Variants in SLC22A15 observed in about 807,000 individuals in gnomAD.
SLC22A15 encodes solute carrier family 22 member 15, also known as flipt 1.
Under a neutral mutation model 62.7 loss-of-function variants are expected in SLC22A15, and 45 were observed. That is an observed-to-expected ratio of 0.72 (90% CI 0.56 to 0.92). The LOEUF is 0.92. Ranked by LOEUF, SLC22A15 falls within the 40% of genes least tolerant of loss-of-function variation. The pLI, the probability that SLC22A15 is intolerant of heterozygous loss-of-function variation, is 0.00. For missense variants in SLC22A15, 622 were observed against 665.6 expected (o/e 0.93, Z 0.72); for synonymous variants, 264 against 267.0 (o/e 0.99, Z 0.11).
At chr1:116,007,554 G>T (rs1335770866) in intron 2 of SLC22A15, among the ~76,000 whole-genome samples, 1 of 152,150 alleles carries the variant, frequency 6.6e-6, no homozygotes, top group African/African-American at 2.4e-5. Context: ...TGAGTTTGTG[G>T]GTAAGAAGAT....
At chr1:115,990,085 G>A (rs796780992) in intron 1 of SLC22A15, among the ~76,000 whole-genome samples, 1 of 152,226 alleles carries the variant, frequency 6.6e-6, no homozygotes, top group African/African-American at 2.4e-5. Flanking sequence ...AGCTTTAGGA[G>A]TGAGCAGCAA....
At chr1:115,980,619 A>G (rs750801900) in intron 1 of SLC22A15, among the ~76,000 whole-genome samples, 3 of 152,210 alleles carry the variant, frequency 2.0e-5, no homozygotes, top group Non-Finnish European at 2.9e-5. Context: ...AAAACACACA[A>G]ACCAATGCTA....
intron 4 of SLC22A15, among the ~76,000 whole-genome samples, chr1:116,024,214 T>C (rs1007178721): frequency 2.6e-5 from 4 of 152,144 alleles, no homozygotes; most frequent in African/African-American, 4.8e-5. Flanking sequence ...AGAGGATGTG[T>C]CTGAGCTGGA....
At chr1:116,013,858 G>T (rs565538417) in intron 2 of SLC22A15, 1 of 152,268 alleles carries the variant, frequency 6.6e-6, no homozygotes, top group South Asian at 2.1e-4. Flanking sequence ...TGGATGACTC[G>T]CCCCAGATCT....
rs144662629 is a variant in SLC22A15 at position 116,037,322 on chromosome 1, T to G, written c.1105T>G (p.Leu369Val). ...NQKWFGRKRT[L>V]SAFLCLGGLA... ...GTTTAGGTTTGGTCGGAAGCGAACATTATCAGCATTTCTGTGCCTAGGAGG... is the reference window on the plus strand; with the variant it reads ...GTTTAGGTTTGGTCGGAAGCGAACAGTATCAGCATTTCTGTGCCTAGGAGG... The change falls in exon 8 of 12, where the codon TTA becomes GTA. Residue 369 changes from leucine to valine, a missense_variant. Transcript: ENST00000369503. 1.9e-5 allele frequency: 31 copies of G among 1,613,382 alleles called. No homozygotes were observed. The highest frequency in any genetic ancestry group is 2.5e-5 in the Non-Finnish European group (30 of 1,179,432).
At chr1:116,053,264 C>T (rs1277337898) in intron 8 of SLC22A15, among the ~76,000 whole-genome samples, 1 of 152,076 alleles carries the variant, frequency 6.6e-6, no homozygotes, top group Non-Finnish European at 1.5e-5. Context: ...AATGCAGAAG[C>T]CTCAGGAGCT....
At chr1:116,006,597 T>A (rs536224444) in intron 2 of SLC22A15, among the ~76,000 whole-genome samples, 1 of 152,194 alleles carries the variant, frequency 6.6e-6, no homozygotes, top group Admixed American at 6.5e-5. Flanking sequence ...CTGGGGTGCA[T>A]CTAAGAATCG....
chr1:116,058,682 C>A (rs1658294682), intron 8 of SLC22A15, among the ~76,000 whole-genome samples: 1 of 152,200 alleles, frequency 6.6e-6, no homozygotes, highest in African/African-American at 2.4e-5. Flanking sequence ...TTTATAGCAG[C>A]ACAAATCCCA....
At chr1:116,015,220 C>A (rs1656464744) in intron 2 of SLC22A15, 1 of 152,180 alleles carries the variant, frequency 6.6e-6, no homozygotes, top group African/African-American at 2.4e-5. Flanking sequence ...TCACTAGGAT[C>A]TGTCAGGGAG....
intron 4 of SLC22A15, among the ~76,000 whole-genome samples, chr1:116,021,362 G>A (rs577242619): frequency 6.6e-6 from 1 of 152,120 alleles, no homozygotes; most frequent in South Asian, 2.1e-4. Flanking sequence ...CCAAAATTGA[G>A]ACTGTATTCT....
intron 5 of SLC22A15, among the ~76,000 whole-genome samples, chr1:116,030,952 A>G (rs1016295164): frequency 3.3e-5 from 5 of 152,070 alleles, no homozygotes; most frequent in Non-Finnish European, 7.4e-5. Flanking sequence ...AAAAAAACCC[A>G]TTGTCTCTAC....
At chr1:116,022,937 T>G (rs1656913304) in intron 4 of SLC22A15, among the ~76,000 whole-genome samples, 1 of 152,216 alleles carries the variant, frequency 6.6e-6, no homozygotes, top group Non-Finnish European at 1.5e-5. Flanking sequence ...CCCTCTCTCA[T>G]GAACCGAGGT....
intron 4 of SLC22A15, among the ~76,000 whole-genome samples, chr1:116,023,766 T>C (rs1049045382): frequency 4.6e-5 from 7 of 152,176 alleles, no homozygotes; most frequent in Non-Finnish European, 8.8e-5. Flanking sequence ...TTAAATAGGA[T>C]AGTTAGAGAA....
intron 8 of SLC22A15, among the ~76,000 whole-genome samples, chr1:116,043,351 G>A (rs531815415): frequency 7.2e-5 from 11 of 152,092 alleles, no homozygotes; most frequent in African/African-American, 1.9e-4. Flanking sequence ...CCTTGAACCC[G>A]GGAGGTGGAG....
At chr1:116,018,858 T>C (rs1324959731) in intron 2 of SLC22A15, among the ~76,000 whole-genome samples, 2 of 152,238 alleles carry the variant, frequency 1.3e-5, no homozygotes, top group Non-Finnish European at 2.9e-5. Context: ...TTATTCTTCC[T>C]ATCTAGCTGT....
At chr1:116,042,751 A>G (rs1046529343) in intron 8 of SLC22A15, among the ~76,000 whole-genome samples, 1 of 152,220 alleles carries the variant, frequency 6.6e-6, no homozygotes, top group Non-Finnish European at 1.5e-5. Context: ...AAGAAACACA[A>G]TACTTCACTA....
chr1:116,039,854 T>TA (rs1557901862), intron 8 of SLC22A15, among the ~76,000 whole-genome samples: 2 of 152,158 alleles, frequency 1.3e-5, no homozygotes, highest in African/African-American at 4.8e-5. Context: ...GACTTTTTTT[T>TA]ATCTCAAGTT....
Position 115,992,233 on chromosome 1 carries a change from T to A in SLC22A15, c.290T>A (p.Ile97Asn), listed in dbSNP as rs1655178877. The change falls in exon 2 of 12, where the codon ATC becomes AAC. Residue 97 changes from isoleucine to asparagine, a missense_variant. Ile to Asn is a moderately radical substitution (Grantham distance 149). Coordinates refer to ENST00000369503, the MANE Select transcript of SLC22A15 (RefSeq NM_018420.3). ...HVHFSSSFTS[I>N]ASEWFLIANR... ...CATTTCAGCAGCAGCTTCACCTCCA[T>A]CGCCTCGGAGGTAACAACAGGCTGT... 1 of 1,580,490 alleles carries A rather than the reference T, an allele frequency of 6.3e-7. No individual in the cohort carries two copies. The highest frequency in any genetic ancestry group is 8.6e-7 in the Non-Finnish European group (1 of 1,162,706).
chr1:116,064,547 C>G, intron 10 of SLC22A15, 39 bp downstream of exon 10: 1 of 1,376,032 alleles, frequency 7.3e-7, no homozygotes, highest in Non-Finnish European at 1.0e-6. Flanking sequence ...TCTTGATTCT[C>G]TGCTTTGGAA....
Sources: allele counts gnomAD v4.1 joint callset (sites outside exome capture counted in the v4.1 genomes callset), GRCh38; gene constraint gnomAD v4.1.1; transcripts MANE v1.5; gene names NCBI Gene and HGNC (gene_info 2026-07-23, HGNC 2026-07-21).